The following PID1 variants were observed in gnomAD, a reference collection of about 807,000 sequenced individuals.
PID1 encodes phosphotyrosine interaction domain containing 1.
In PID1, 10 loss-of-function variants were observed where a neutral mutation model predicts 19.1. The ratio of observed to expected loss-of-function variants is 0.52; its 90% CI spans 0.32 to 0.89. The LOEUF (loss-of-function observed/expected upper bound fraction) is 0.89, where lower values mean the gene tolerates loss of function less well. Ranked by LOEUF, PID1 falls within the 40% of genes least tolerant of loss-of-function variation. The pLI is 0.03. For missense variants in PID1, 248 were observed against 285.3 expected, an observed-to-expected ratio of 0.87 and a Z score of 0.94; for synonymous variants, 130 against 116.0, an observed-to-expected ratio of 1.12 and a Z score of -0.78.
intron 2 of PID1, among the ~76,000 whole-genome samples, chr2:229,030,614 A>T (rs1228938972): frequency 6.6e-6 from 1 of 152,180 alleles, no homozygotes; most frequent in South Asian, 2.1e-4. Context: ...TTTTCTAAAA[A>T]TTGCATACAG....
At chr2:229,113,393 T>A (rs1695337281) in intron 2 of PID1, among the ~76,000 whole-genome samples, 1 of 143,240 alleles carries the variant, frequency 7.0e-6, no homozygotes, top group African/African-American at 2.7e-5. Context: ...TTTTTATATA[T>A]ATTTATATAT....
In PID1 at chr2:229,267,534, A is replaced by G. The variant is rs568986682; in HGVS notation, c.30+3480T>C. Among the ~76,000 whole-genome samples, 4 of 152,324 alleles carry G rather than the reference A, an allele frequency of 2.6e-5. No individual in the cohort carries two copies. In the East Asian group the frequency reaches 7.7e-4, roughly 29 times the overall value. ...CTATCACATTCCACTCTATCCTAGT[A>G]ATAACTACACCAAAGACCTTTAAGG... On this transcript the variant is annotated intron_variant, in intron 1 of 2. Transcript: ENST00000392055.
At chr2:229,089,274 A>G (rs946814017) in intron 2 of PID1, among the ~76,000 whole-genome samples, 1 of 152,168 alleles carries the variant, frequency 6.6e-6, no homozygotes, top group Non-Finnish European at 1.5e-5. Context: ...GGTGTCTGAA[A>G]ACACTGGCTT....
chr2:229,043,284 G>A (rs1693809833), intron 2 of PID1, among the ~76,000 whole-genome samples: 1 of 151,706 alleles, frequency 6.6e-6, no homozygotes, highest in African/African-American at 2.4e-5. Flanking sequence ...GAGATTACAG[G>A]TGTGAGCCAC....
At chr2:229,250,623 A>C (rs190894313) in intron 1 of PID1, among the ~76,000 whole-genome samples, 193 of 152,342 alleles carry the variant, frequency 1.3e-3, no homozygotes, top group Non-Finnish European at 2.2e-3. Flanking sequence ...TTATTGACAG[A>C]ACTCCGATTT....
chr2:229,102,567 T>A (rs1017702470), intron 2 of PID1, among the ~76,000 whole-genome samples: 10 of 152,336 alleles, frequency 6.6e-5, no homozygotes, highest in Admixed American at 2.6e-4. Context: ...AATGGAAGAC[T>A]GACACCAGAA....
At chr2:229,121,186 A>G (rs920456218) in intron 2 of PID1, among the ~76,000 whole-genome samples, 1 of 152,186 alleles carries the variant, frequency 6.6e-6, no homozygotes, top group African/African-American at 2.4e-5. Context: ...TGAGAAACAC[A>G]TAGAATATAG....
At chr2:229,107,663 G>A (rs1006577269) in intron 2 of PID1, among the ~76,000 whole-genome samples, 3 of 152,136 alleles carry the variant, frequency 2.0e-5, no homozygotes, top group Non-Finnish European at 2.9e-5. Flanking sequence ...GTTGTCGACG[G>A]TGCTTTTATA....
intron 1 of PID1, among the ~76,000 whole-genome samples, chr2:229,208,289 G>T (rs1286408864): frequency 1.3e-5 from 2 of 152,184 alleles, no homozygotes; most frequent in African/African-American, 4.8e-5. Flanking sequence ...ACTATGAACA[G>T]CCTTCTCAAT....
chr2:229,072,565 G>A (rs563299370), intron 2 of PID1, among the ~76,000 whole-genome samples: 2 of 151,726 alleles, frequency 1.3e-5, no homozygotes, highest in South Asian at 4.2e-4. Flanking sequence ...TCCAGCCTGG[G>A]CGACAGAGTG....
At chr2:229,034,213 G>A (rs1477898333) in intron 2 of PID1, among the ~76,000 whole-genome samples, 1 of 152,142 alleles carries the variant, frequency 6.6e-6, no homozygotes, top group Non-Finnish European at 1.5e-5. Flanking sequence ...AGAATGCAGA[G>A]GGAAGACACA....
intron 1 of PID1, among the ~76,000 whole-genome samples, chr2:229,173,575 C>T (rs979611587): frequency 6.6e-6 from 1 of 152,198 alleles, no homozygotes; most frequent in Admixed American, 6.5e-5. Flanking sequence ...TTGAATAAGA[C>T]AGGCATGTTT....
intron 1 of PID1, among the ~76,000 whole-genome samples, chr2:229,254,568 G>T (rs1690243983): frequency 6.6e-6 from 1 of 152,174 alleles, no homozygotes; most frequent in Non-Finnish European, 1.5e-5. Flanking sequence ...TCCTCGGGCT[G>T]CTAGGAAGCT....
chr2:229,269,637 C>G (rs1305452201), intron 1 of PID1, among the ~76,000 whole-genome samples: 4 of 152,218 alleles, frequency 2.6e-5, no homozygotes, highest in Non-Finnish European at 4.4e-5. Flanking sequence ...AGGAGAACTT[C>G]AAATGCGCCA....
intron 1 of PID1, chr2:229,262,555 A>T: frequency 1.5e-6 from 2 of 1,358,278 alleles, no homozygotes; most frequent in Non-Finnish European, 9.6e-7. Context: ...TACCTACATC[A>T]CAGAAGTAGA....
chr2:229,031,956 G>A (rs1436152286), intron 2 of PID1, among the ~76,000 whole-genome samples: 1 of 152,132 alleles, frequency 6.6e-6, no homozygotes, highest in African/African-American at 2.4e-5. Flanking sequence ...TTTTCAAAAA[G>A]TGAACTTCCC....
At chr2:229,209,020 T>C (rs1014868875) in intron 1 of PID1, among the ~76,000 whole-genome samples, 1 of 151,976 alleles carries the variant, frequency 6.6e-6, no homozygotes. Flanking sequence ...CCTTTGAAGG[T>C]AGAGTTGCTG....
At chr2:229,046,369 T>TGTGTGTGTGTGTGC (rs1175061388) in intron 2 of PID1, among the ~76,000 whole-genome samples, 1 of 148,966 alleles carries the variant, frequency 6.7e-6, no homozygotes, top group Non-Finnish European at 1.5e-5. Context: ...TGTGTGTGTG[T>TGTGTGTGTGTGTGC]GTGTGTGTGT....
At chr2:229,268,440 T>C (rs953742568) in intron 1 of PID1, among the ~76,000 whole-genome samples, 2 of 152,206 alleles carry the variant, frequency 1.3e-5, no homozygotes, top group Non-Finnish European at 2.9e-5. Context: ...GAATATGAAC[T>C]ATATCATCAA....
Sources: allele counts gnomAD v4.1 joint callset (sites outside exome capture counted in the v4.1 genomes callset), GRCh38; gene constraint gnomAD v4.1.1; transcripts MANE v1.5; gene names NCBI Gene and HGNC (gene_info 2026-07-23, HGNC 2026-07-21).